Variants in ATP8B4 observed in about 807,000 individuals in gnomAD.
ATP8B4 encodes the protein probable phospholipid-transporting ATPase IM.
A neutral mutation model predicts 145.6 loss-of-function variants in ATP8B4; 133 were observed. The observed-to-expected ratio is 0.91, with a 90% CI of 0.79 to 1.05. The LOEUF (loss-of-function observed/expected upper bound fraction) is 1.05, where lower values mean the gene tolerates loss of function less well. Ranked by LOEUF, ATP8B4 falls within the 50% of genes least tolerant of loss-of-function variation. ATP8B4 has a pLI of 0.00. For synonymous variants in ATP8B4, 507 were observed against 492.9 expected, an observed-to-expected ratio of 1.03 and a Z score of -0.38; for missense variants, 1,458 against 1,425.2, an observed-to-expected ratio of 1.02 and a Z score of -0.37.
At chr15:49,940,562 T>C (rs1161713625) in intron 14 of ATP8B4, among the ~76,000 whole-genome samples, 1 of 152,020 alleles carries the variant, frequency 6.6e-6, no homozygotes, top group Non-Finnish European at 1.5e-5. Context: ...GTTGAAATTA[T>C]AAAAAAAATT....
intron 2 of ATP8B4, among the ~76,000 whole-genome samples, chr15:50,082,404 C>T (rs746323200): frequency 6.6e-6 from 1 of 152,118 alleles, no homozygotes; most frequent in Non-Finnish European, 1.5e-5. Context: ...AATTTTTTTA[C>T]GCTTTCCTCA....
chr15:50,101,171 G>A (rs1164792142), intron 2 of ATP8B4, among the ~76,000 whole-genome samples: 1 of 152,054 alleles, frequency 6.6e-6, no homozygotes, highest in Non-Finnish European at 1.5e-5. Flanking sequence ...GATGTACTGG[G>A]GACTACTGAG....
chr15:50,159,061 G>A (rs1222777560), intron 1 of ATP8B4, among the ~76,000 whole-genome samples: 1 of 151,972 alleles, frequency 6.6e-6, no homozygotes, highest in African/African-American at 2.4e-5. Context: ...CTATGACCCT[G>A]CCAAATCCCC....
intron 6 of ATP8B4, among the ~76,000 whole-genome samples, chr15:50,029,514 G>A (rs2050280058): frequency 6.6e-6 from 1 of 151,868 alleles, no homozygotes; most frequent in Non-Finnish European, 1.5e-5. Flanking sequence ...CTGGTGGTTG[G>A]GTTTAGAGTC....
chr15:49,959,147 T>C (rs2043844699), intron 14 of ATP8B4, among the ~76,000 whole-genome samples: 5 of 151,914 alleles, frequency 3.3e-5, no homozygotes. Context: ...TCCAGGAAAA[T>C]ATGGATGAAA....
At chr15:49,981,385 A>T in intron 10 of ATP8B4, 91 bp from the exon 11 acceptor site, 1 of 993,756 alleles carries the variant, frequency 1.0e-6, no homozygotes, top group Non-Finnish European at 1.5e-6. Flanking sequence ...AAAGAAAAAA[A>T]TATATATTTT....
At chr15:50,094,575 T>TATATACACATATATACAA (rs1287624968) in intron 2 of ATP8B4, among the ~76,000 whole-genome samples, 1 of 149,172 alleles carries the variant, frequency 6.7e-6, no homozygotes, top group Non-Finnish European at 1.5e-5. Flanking sequence ...AATATAGGTG[T>TATATACACATATATACAA]ATATACACAT....
chr15:49,920,414 C>T lies in ATP8B4; in HGVS notation c.1759-4G>A, dbSNP rs2040152596. Reference sequence around the variant, plus strand: ...GAAGGCCTTCCCCTGCAAATTCCTGCCAGAGATGACATAGACTCATGAACC... The same window carrying T: ...GAAGGCCTTCCCCTGCAAATTCCTGTCAGAGATGACATAGACTCATGAACC... On this transcript the variant is annotated splice_region_variant and splice_polypyrimidine_tract_variant and intron_variant, in intron 17 of 27. Transcript: ENST00000284509. 6.2e-7 allele frequency: 1 copy of T among 1,611,028 alleles called. No homozygotes were observed. The highest frequency in any genetic ancestry group is 8.5e-7 in the Non-Finnish European group (1 of 1,178,604).
At chr15:50,161,043 T>A (rs776336073) in intron 1 of ATP8B4, among the ~76,000 whole-genome samples, 2 of 152,144 alleles carry the variant, frequency 1.3e-5, no homozygotes, top group Non-Finnish European at 2.9e-5. Context: ...TTTATGTATC[T>A]GGGTACTCCA....
chr15:49,881,945 G>A (rs374018060), intron 23 of ATP8B4, among the ~76,000 whole-genome samples: 11 of 152,172 alleles, frequency 7.2e-5, no homozygotes, highest in African/African-American at 2.2e-4. Flanking sequence ...AGGATAATGC[G>A]ATCCTTCTCC....
intron 3 of ATP8B4, among the ~76,000 whole-genome samples, chr15:50,064,826 A>G (rs1424237294): frequency 6.6e-6 from 1 of 152,184 alleles, no homozygotes; most frequent in East Asian, 1.9e-4. Context: ...AAGCAGGCAC[A>G]TCTTACACGG....
At chr15:50,157,202 G>C (rs1428372634) in intron 1 of ATP8B4, among the ~76,000 whole-genome samples, 1 of 152,140 alleles carries the variant, frequency 6.6e-6, no homozygotes, top group East Asian at 1.9e-4. Context: ...AGAAAAGATA[G>C]AAAGTTTTTT....
chr15:50,105,704 G>A (rs1398228700), intron 2 of ATP8B4, among the ~76,000 whole-genome samples: 2 of 152,046 alleles, frequency 1.3e-5, no homozygotes, highest in African/African-American at 4.8e-5. Context: ...AGCGACTTAT[G>A]CTTTCTTATT....
At chr15:50,151,183 G>A (rs11070757) in intron 1 of ATP8B4, among the ~76,000 whole-genome samples, 3 of 152,084 alleles carry the variant, frequency 2.0e-5, no homozygotes, top group Non-Finnish European at 2.9e-5. Context: ...TAGAATTCAG[G>A]ATTTAGTCTA....
At chr15:49,872,547 T>G (rs906322702) in intron 25 of ATP8B4, among the ~76,000 whole-genome samples, 1 of 152,214 alleles carries the variant, frequency 6.6e-6, no homozygotes, top group Non-Finnish European at 1.5e-5. Context: ...GTTGCTATCA[T>G]GTGCTCCCTG....
chr15:49,877,237 G>A (rs547922687), intron 24 of ATP8B4, among the ~76,000 whole-genome samples: 3 of 152,258 alleles, frequency 2.0e-5, no homozygotes, highest in African/African-American at 7.2e-5. Context: ...CAAATCGCCT[G>A]GGAAACAGAT....
At chr15:49,972,363 CAA>C (rs2045235967) in intron 13 of ATP8B4, among the ~76,000 whole-genome samples, 1 of 151,972 alleles carries the variant, frequency 6.6e-6, no homozygotes, top group Non-Finnish European at 1.5e-5. Flanking sequence ...GCAATAAATC[CAA>C]AGTTTCATCT....
chr15:49,864,021 C>A (rs187863656), intron 26 of ATP8B4, among the ~76,000 whole-genome samples: 2 of 152,114 alleles, frequency 1.3e-5, no homozygotes, highest in African/African-American at 4.8e-5. Flanking sequence ...ATACACTGAA[C>A]TTTTCATTTT....
intron 23 of ATP8B4, among the ~76,000 whole-genome samples, chr15:49,887,039 G>A (rs528498053): frequency 4.6e-5 from 7 of 152,030 alleles, no homozygotes; most frequent in African/African-American, 9.6e-5. Context: ...TGAACTCCTG[G>A]CCTCAGGTGA....
Sources: gnomAD v4.1 joint callset for allele counts (sites outside exome capture counted in the v4.1 genomes callset) on GRCh38, gnomAD v4.1.1 for gene constraint, MANE v1.5 for transcripts, NCBI Gene and HGNC (gene_info 2026-07-23, HGNC 2026-07-21) for gene names.